The following AFDN variants were observed in gnomAD, a reference collection of about 807,000 sequenced individuals.
The protein encoded by AFDN is afadin, adherens junction formation factor.
Under a neutral mutation model 216.6 loss-of-function variants are expected in AFDN, and 68 were observed. That is an observed-to-expected ratio of 0.31 (90% CI 0.26 to 0.38). AFDN has a LOEUF of 0.38. Ranked by LOEUF, AFDN falls within the 10% of genes least tolerant of loss-of-function variation. The probability of loss-of-function intolerance (pLI) is 1.00; values close to 1 mark genes in which losing one functional copy is unlikely to be tolerated. For synonymous variants in AFDN, 868 were observed against 853.7 expected (o/e 1.02, Z -0.29); for missense variants, 2,136 against 2,342.0 (o/e 0.91, Z 1.82).
rs767508369 is a variant in AFDN, at chr6:167,951,458, A to G, written c.4104A>G (p.Arg1368=). Residue 1368 remains arginine, a synonymous_variant, in exon 30 of 34, where the codon CGA becomes CGG. Transcript: ENST00000683244. This position sits in a 1 kb window ranked among gnomAD's most constrained non-coding sequence, Gnocchi z 7.1. ...ATPVAVSQPI[R]TDLPPPPPPP... ...CTGTGGCCGTCTCCCAGCCAATCCG[A>G]ACAGACCTGCCTCCGCCACCCCCGC... 31 of 1,613,922 alleles carry G rather than the reference A, an allele frequency of 1.9e-5. No homozygotes were observed. The highest frequency in any genetic ancestry group is 1.6e-4 in the Middle Eastern group (1 of 6,084).
intron 32 of AFDN, 73 bp downstream of exon 32, chr6:167,966,118 C>A (rs1486058683): frequency 6.5e-7 from 1 of 1,535,836 alleles, no homozygotes; most frequent in Admixed American, 2.0e-5. Flanking sequence ...CCACGGCCAC[C>A]CCCCTGCCAG....
chr6:167,918,792 A>G lies in AFDN; in HGVS notation c.2767A>G (p.Ser923Gly). The G allele has an allele frequency of 6.2e-7, 1 of 1,613,684 alleles. No individual in the cohort carries two copies. ...AENTADELARSDGREVQLEED... is the reference protein window; with the variant it reads ...AENTADELARGDGREVQLEED... ...AAACACTGCCGATGAGCTGGCCCGCAGTGATGGAAGGGAAGTGCAGTTGGA... is the reference window on the plus strand; with the variant it reads ...AAACACTGCCGATGAGCTGGCCCGCGGTGATGGAAGGGAAGTGCAGTTGGA... Residue 923 changes from serine to glycine, a missense_variant, in exon 21 of 34, where the codon AGT (serine) becomes GGT (glycine). Ser to Gly is a moderately conservative substitution (Grantham distance 56). This residue lies in a region of AFDN where 162 missense variants were observed against 182.6 expected (regional missense o/e 0.89). Coordinates refer to ENST00000683244, the MANE Select transcript of AFDN (RefSeq NM_001386888.1).
At chr6:167,928,368 G>A (rs917017329) in intron 23 of AFDN, among the ~76,000 whole-genome samples, 3 of 152,226 alleles carry the variant, frequency 2.0e-5, no homozygotes, top group African/African-American at 4.8e-5. Flanking sequence ...AGGACAACAA[G>A]CCAGCTTGAA....
In AFDN at chr6:167,827,250, G is replaced by C; in HGVS notation, c.105+13G>C. 1.8e-6 allele frequency: 2 copies of C among 1,109,514 alleles called. No homozygotes were observed. The highest frequency in any genetic ancestry group is 2.2e-5 in the South Asian group (1 of 46,260). 68.7% of individuals were successfully genotyped at this position (1,109,514 alleles called of 1,614,324 possible). A position where few individuals can be genotyped will look rare whatever the true frequency, so the allele number is the denominator to read the frequency against. On this transcript the variant is annotated intron_variant, in intron 1 of 33. Coordinates refer to ENST00000683244, the MANE Select transcript of AFDN (RefSeq NM_001386888.1). ...CCAGCCGACCGAGGTGAGCACCGCCGGGCGCGGGGCCTGCGCGACCCCCGC... is the reference window on the plus strand; with the variant it reads ...CCAGCCGACCGAGGTGAGCACCGCCCGGCGCGGGGCCTGCGCGACCCCCGC...
At chr6:167,930,070 T>C (rs1209942060) in intron 23 of AFDN, among the ~76,000 whole-genome samples, 1 of 152,030 alleles carries the variant, frequency 6.6e-6, no homozygotes, top group Non-Finnish European at 1.5e-5. Flanking sequence ...CTGAGTGTGA[T>C]GATGTGCGCC....
chr6:167,916,911 T>C (rs1344824004), intron 19 of AFDN, among the ~76,000 whole-genome samples, 178 bp from the exon 20 acceptor site: 3 of 152,158 alleles, frequency 2.0e-5, no homozygotes, highest in African/African-American at 7.2e-5. Context: ...TACAAGATAA[T>C]GCTTTTAGTT....
intron 6 of AFDN, among the ~76,000 whole-genome samples, chr6:167,883,918 G>A (rs1400167373): frequency 6.6e-6 from 1 of 152,144 alleles, no homozygotes; most frequent in Non-Finnish European, 1.5e-5. Flanking sequence ...GATACTGTTA[G>A]ATAACATTTT....
intron 5 of AFDN, among the ~76,000 whole-genome samples, chr6:167,877,395 C>T (rs1297869346): frequency 6.6e-6 from 1 of 152,046 alleles, no homozygotes; most frequent in Non-Finnish European, 1.5e-5. Context: ...ATAGATGATT[C>T]AGAAACTTAA....
At chr6:167,831,766 T>A (rs1779856617) in intron 1 of AFDN, among the ~76,000 whole-genome samples, 2 of 152,198 alleles carry the variant, frequency 1.3e-5, no homozygotes, top group South Asian at 4.1e-4. Flanking sequence ...CGTTTATGAT[T>A]GTCATTAAGG....
Position 167,851,235 on chromosome 6 carries a change from TATACAC to T in AFDN, c.106-13306_106-13301del, listed in dbSNP as rs1465241104. ...TTAGTTTTGCTAGAGATAGGTTTTT[TATACAC>T]ATACACATAAACACAAACACACACC... On this transcript the variant is annotated intron_variant, in intron 1 of 33. Coordinates refer to ENST00000683244, the MANE Select transcript of AFDN (RefSeq NM_001386888.1). 2.6e-5 allele frequency among the ~76,000 whole-genome samples: 4 copies of T among 152,376 alleles called. No homozygotes were observed. In the East Asian group the frequency reaches 5.8e-4, roughly 22 times the overall value.
At chr6:167,917,824 A>G (rs979102336) in intron 20 of AFDN, among the ~76,000 whole-genome samples, 1 of 152,260 alleles carries the variant, frequency 6.6e-6, no homozygotes, top group Non-Finnish European at 1.5e-5. Flanking sequence ...CACCAAATCA[A>G]AAGCACAGCA....
chr6:167,914,930 G>A (rs1210404664), intron 18 of AFDN, among the ~76,000 whole-genome samples, 192 bp downstream of exon 18: 1 of 152,154 alleles, frequency 6.6e-6, no homozygotes. Context: ...GTGTCATGCT[G>A]GCCATACTCT....
At chr6:167,895,010 T>A (rs949740688) in intron 9 of AFDN, among the ~76,000 whole-genome samples, 3 of 152,234 alleles carry the variant, frequency 2.0e-5, no homozygotes, top group African/African-American at 7.2e-5. Flanking sequence ...TGTGACTATA[T>A]TGCATTCAGT....
chr6:167,890,168 T>C (rs1455168899), intron 7 of AFDN, among the ~76,000 whole-genome samples: 1 of 152,216 alleles, frequency 6.6e-6, no homozygotes, highest in Non-Finnish European at 1.5e-5. Context: ...CAATATGGAA[T>C]GTAGATTGGT....
rs1237329981 is a variant in AFDN, at chr6:167,951,919, C to T, written c.4565C>T (p.Pro1522Leu). The change falls in exon 30 of 34, where the codon CCG becomes CTG. Residue 1522 changes from proline (P) to leucine (L), a missense_variant. Physicochemically the swap from Pro to Leu is moderately conservative, Grantham distance 98 (BLOSUM62 -3). This residue lies in a region of AFDN where 981 missense variants were observed against 966.0 expected (regional missense o/e 1.02). Transcript: ENST00000683244. The surrounding 1 kb of genome is among the most constrained non-coding windows in gnomAD (Gnocchi z 7.1). Reference protein sequence around the residue: ...LSSGDSLSPDPWKRDAKEKLE... With the variant: ...LSSGDSLSPDLWKRDAKEKLE... ...TCGGGGGACAGTCTGTCCCCCGACC[C>T]GTGGAAGCGGGACGCCAAGGAGAAG... 1.9e-6 allele frequency: 3 copies of T among 1,614,084 alleles called. No homozygotes were observed. Among genetic ancestry groups the T allele is most frequent in the Non-Finnish European group, 2.5e-6 (3 of 1,180,030 alleles).
At position 167,855,935 on chromosome 6, in the gene AFDN, A is replaced by G. The variant is rs112612321; in HGVS notation, c.106-8616A>G. Among the ~76,000 whole-genome samples, 333 of 152,298 alleles carry G rather than the reference A, an allele frequency of 2.2e-3. 1 individual carries two copies. Among genetic ancestry groups the G allele is most frequent in the African/African-American group, 7.7e-3 (320 of 41,582 alleles). On this transcript the variant is annotated intron_variant, in intron 1 of 33. Coordinates refer to ENST00000683244, the MANE Select transcript of AFDN (RefSeq NM_001386888.1). ...TCACTTTCTGAGGTTACAGTTAGCCAGGATCAACTGTGGTCAGAACATACG... is the reference window on the plus strand; with the variant it reads ...TCACTTTCTGAGGTTACAGTTAGCCGGGATCAACTGTGGTCAGAACATACG...
chr6:167,902,154 T>A (rs1208616086), intron 11 of AFDN, among the ~76,000 whole-genome samples, 163 bp from the exon 12 acceptor site: 1 of 150,024 alleles, frequency 6.7e-6, no homozygotes, highest in South Asian at 2.1e-4. Flanking sequence ...AGAAAGTTCA[T>A]AAGGTGGTTT....
At chr6:167,948,182 A>T in intron 28 of AFDN, 111 bp from the exon 29 acceptor site, 3 of 937,910 alleles carry the variant, frequency 3.2e-6, no homozygotes, top group Non-Finnish European at 4.7e-6. Context: ...ACACTTTTTA[A>T]TGCAGTATTT....
chr6:167,922,231 C>A (rs769205052), intron 21 of AFDN, among the ~76,000 whole-genome samples: 4 of 152,190 alleles, frequency 2.6e-5, no homozygotes, highest in Admixed American at 2.6e-4. Context: ...CTTACTTTTA[C>A]AAAGCATGTC....
Sources: allele counts gnomAD v4.1 joint callset (sites outside exome capture counted in the v4.1 genomes callset), GRCh38; gene constraint gnomAD v4.1.1; regional missense constraint gnomAD v4.1.1; non-coding constraint Gnocchi (gnomAD v3.1); transcripts MANE v1.5; gene names NCBI Gene and HGNC (gene_info 2026-07-23, HGNC 2026-07-21).